ADGRV1: variants seen among roughly 807,000 people sequenced by gnomAD.
ADGRV1 encodes the protein adhesion G protein-coupled receptor V1.
Under a neutral mutation model 596.2 loss-of-function variants are expected in ADGRV1, and 359 were observed. The observed-to-expected ratio is 0.60, with a 90% CI of 0.55 to 0.66. ADGRV1 has a LOEUF of 0.66. ADGRV1 is among the 30% of genes least tolerant of loss of function. The probability of loss-of-function intolerance (pLI) is 0.00; values close to 1 mark genes in which losing one functional copy is unlikely to be tolerated. For missense variants in ADGRV1, 7,274 were observed against 7,575.6 expected, an observed-to-expected ratio of 0.96 and a Z score of 1.48; for synonymous variants, 2,681 against 2,679.2, an observed-to-expected ratio of 1.00 and a Z score of -0.02.
In ADGRV1 at chr5:90,720,098, T is replaced by G. The variant is rs763592894; in HGVS notation, c.9498T>G (p.Tyr3166Ter). The change falls in exon 44 of 90, where the codon TAT becomes TAG. Residue 3166 changes from tyrosine (Y) to a stop codon, truncating the protein, a stop_gained. Coordinates refer to ENST00000405460, the MANE Select transcript of ADGRV1 (RefSeq NM_032119.4). LOFTEE classifies it high-confidence loss of function. ...ILDTEPEMDE[Y>*]FVCTLFNPTG... ...ACACGGAACCAGAAATGGATGAGTA[T>G]TTTGTTTGCACCTTGTTTAATCCAA... The G allele has an allele frequency of 6.2e-7, 1 of 1,613,764 alleles. No homozygotes were observed.
intron 85 of ADGRV1, among the ~76,000 whole-genome samples, chr5:91,005,020 A>G (rs929576453): frequency 5.3e-5 from 8 of 152,206 alleles, no homozygotes; most frequent in Non-Finnish European, 5.9e-5. Flanking sequence ...AACCTAAAGT[A>G]CAGACATATT....
At chr5:91,084,061 A>G (rs4386756) in intron 86 of ADGRV1, among the ~76,000 whole-genome samples, 66,275 of 151,900 alleles carry the variant, frequency 0.44, 16,726 homozygotes, top group Non-Finnish European at 0.57. Flanking sequence ...CCAGGCCACC[A>G]TTTTCCTCTC....
rs187994376 is a variant in ADGRV1, at chr5:90,954,883, G to T, written c.17857-10532G>T. ...GTTGCTATGTTTCTGATTTGCTTTG[G>T]ACTGAATCTTTATGTTCCTCAAACA... On this transcript the variant is annotated intron_variant, in intron 83 of 89. Coordinates refer to ENST00000405460, the MANE Select transcript of ADGRV1 (RefSeq NM_032119.4). Among the ~76,000 whole-genome samples, 5 of 152,098 alleles carry T rather than the reference G, an allele frequency of 3.3e-5. No homozygotes were observed. In the East Asian group the frequency reaches 9.6e-4, roughly 29 times the overall value.
intron 1 of ADGRV1, among the ~76,000 whole-genome samples, chr5:90,601,609 C>T (rs575326761): frequency 6.6e-6 from 1 of 152,152 alleles, no homozygotes; most frequent in African/African-American, 2.4e-5. Context: ...AGTCTTATAA[C>T]TTCATTTTAC....
At chr5:91,075,467 T>G (rs1189870345) in intron 86 of ADGRV1, among the ~76,000 whole-genome samples, 1 of 152,124 alleles carries the variant, frequency 6.6e-6, no homozygotes, top group East Asian at 1.9e-4. Flanking sequence ...ACCCTGATTA[T>G]CAGAAAAAGA....
intron 87 of ADGRV1, among the ~76,000 whole-genome samples, chr5:91,133,766 A>G (rs1257566150): frequency 1.3e-5 from 2 of 152,172 alleles, no homozygotes; most frequent in African/African-American, 4.8e-5. Flanking sequence ...TTGATTTGCT[A>G]CTGCCATAAG....
chr5:90,583,470 A>ATGAT (rs1309243160), intron 1 of ADGRV1, among the ~76,000 whole-genome samples: 1 of 152,124 alleles, frequency 6.6e-6, no homozygotes, highest in Non-Finnish European at 1.5e-5. Context: ...TAACATCTTT[A>ATGAT]TGATTTCATG....
At chr5:91,137,070 G>A (rs924969519) in intron 87 of ADGRV1, among the ~76,000 whole-genome samples, 7 of 152,146 alleles carry the variant, frequency 4.6e-5, no homozygotes, top group African/African-American at 1.7e-4. Context: ...ACCAGAAACT[G>A]AGCTATGAAA....
Position 90,570,635 on chromosome 5 carries a change from G to A in ADGRV1, c.22+11718G>A, listed in dbSNP as rs146318373. Among the ~76,000 whole-genome samples, 817 of 151,930 alleles carry A rather than the reference G, an allele frequency of 5.4e-3. 5 individuals are homozygous for A. Among genetic ancestry groups the A allele is most frequent in the Non-Finnish European group, 9.2e-3 (623 of 67,904 alleles). ...TCTTTCTTCCTTATTTTGTCTTTTT[G>A]TTCCTCAGCCTGGGTAATTTCAGTT... On this transcript the variant is annotated intron_variant, in intron 1 of 89. Transcript: ENST00000405460.
At chr5:90,859,495 T>C (rs895528984) in intron 82 of ADGRV1, among the ~76,000 whole-genome samples, 3 of 151,784 alleles carry the variant, frequency 2.0e-5, no homozygotes, top group African/African-American at 7.3e-5. Flanking sequence ...TGCAGTGGTG[T>C]GATCTCGGCT....
chr5:90,817,955 T>A (rs1041857906), intron 75 of ADGRV1, among the ~76,000 whole-genome samples: 15 of 151,426 alleles, frequency 9.9e-5, no homozygotes, highest in Non-Finnish European at 1.6e-4. Context: ...GTGAAGAAAG[T>A]CATTGGTAGC....
At chr5:91,035,011 A>G (rs565691230) in intron 85 of ADGRV1, among the ~76,000 whole-genome samples, 10 of 152,154 alleles carry the variant, frequency 6.6e-5, no homozygotes, top group East Asian at 1.9e-4. Flanking sequence ...GCCTCAAGCA[A>G]TCCTCCCAAA....
At chr5:90,689,656 T>G (rs551131910) in intron 29 of ADGRV1, among the ~76,000 whole-genome samples, 6 of 152,240 alleles carry the variant, frequency 3.9e-5, no homozygotes, top group African/African-American at 1.4e-4. Context: ...AGGAAGTCTT[T>G]TTCGTTATTT....
chr5:90,888,993 G>A (rs141420777), intron 83 of ADGRV1, among the ~76,000 whole-genome samples: 1 of 152,162 alleles, frequency 6.6e-6, no homozygotes, highest in East Asian at 1.9e-4. Context: ...CTTGGATTGT[G>A]GCCTTCTATG....
At chr5:90,576,689 A>G (rs1360900672) in intron 1 of ADGRV1, among the ~76,000 whole-genome samples, 1 of 152,214 alleles carries the variant, frequency 6.6e-6, no homozygotes, top group Non-Finnish European at 1.5e-5. Flanking sequence ...GAATCGCCAC[A>G]TTGTCTTCCA....
At chr5:90,834,392 G>A (rs1374546968) in intron 77 of ADGRV1, among the ~76,000 whole-genome samples, 1 of 152,086 alleles carries the variant, frequency 6.6e-6, no homozygotes, top group Non-Finnish European at 1.5e-5. Flanking sequence ...CATGTTTGAA[G>A]GATATTTTCG....
At chr5:90,834,883 CTTTT>C (rs1158984446) in intron 77 of ADGRV1, among the ~76,000 whole-genome samples, 9 of 150,770 alleles carry the variant, frequency 6.0e-5, no homozygotes, top group Admixed American at 3.3e-4. Context: ...CTCTTTCTTT[CTTTT>C]TTCTTTCTTT....
intron 83 of ADGRV1, among the ~76,000 whole-genome samples, chr5:90,892,492 A>T (rs1334622305): frequency 1.3e-5 from 2 of 152,140 alleles, no homozygotes; most frequent in African/African-American, 4.8e-5. Flanking sequence ...AAATACATTT[A>T]AAAAAACTTT....
intron 83 of ADGRV1, among the ~76,000 whole-genome samples, chr5:90,885,615 T>C (rs1013261300): frequency 6.6e-6 from 1 of 152,066 alleles, no homozygotes; most frequent in African/African-American, 2.4e-5. Context: ...TGAGAGGAGA[T>C]GGAAGGAAGC....
Sources: allele counts gnomAD v4.1 joint callset (sites outside exome capture counted in the v4.1 genomes callset), GRCh38; gene constraint gnomAD v4.1.1; transcripts MANE v1.5; gene names NCBI Gene and HGNC (gene_info 2026-07-23, HGNC 2026-07-21).